GRID2: variants seen among roughly 807,000 people sequenced by gnomAD.
GRID2 encodes glutamate receptor ionotropic, delta-2.
A neutral mutation model predicts 114.8 loss-of-function variants in GRID2; 33 were observed. The ratio of observed to expected loss-of-function variants is 0.29; its 90% CI spans 0.22 to 0.38. GRID2 has a LOEUF of 0.38. GRID2 is among the 10% of genes least tolerant of loss of function. The pLI is 1.00. For synonymous variants in GRID2, 505 were observed against 449.9 expected (o/e 1.12, Z -1.55); for missense variants, 1,184 against 1,257.7 (o/e 0.94, Z 0.89).
At chr4:93,014,965 G>A (rs1448697448) in intron 2 of GRID2, among the ~76,000 whole-genome samples, 1 of 152,072 alleles carries the variant, frequency 6.6e-6, no homozygotes, top group Non-Finnish European at 1.5e-5. Flanking sequence ...AAAAGATGGT[G>A]AGTGATATTC....
intron 2 of GRID2, among the ~76,000 whole-genome samples, chr4:92,934,829 A>G (rs1000830959): frequency 2.7e-5 from 4 of 147,194 alleles, no homozygotes; most frequent in African/African-American, 9.7e-5. Flanking sequence ...AAAACTGACT[A>G]GCCATATGTA....
At chr4:93,532,500 T>G (rs1389315864) in intron 13 of GRID2, among the ~76,000 whole-genome samples, 1 of 152,204 alleles carries the variant, frequency 6.6e-6, no homozygotes, top group Non-Finnish European at 1.5e-5. Context: ...ATATTGCATT[T>G]AATACTTTGT....
intron 1 of GRID2, among the ~76,000 whole-genome samples, chr4:92,365,194 G>A (rs775235095): frequency 1.3e-5 from 2 of 152,034 alleles, no homozygotes; most frequent in African/African-American, 2.4e-5. Flanking sequence ...GTTCATTATA[G>A]CATTATTCAT....
At chr4:93,508,915 A>C (rs1182030103) in intron 12 of GRID2, among the ~76,000 whole-genome samples, 1 of 152,210 alleles carries the variant, frequency 6.6e-6, no homozygotes. Flanking sequence ...TGCCAAGAAG[A>C]CATCTACCAA....
intron 1 of GRID2, among the ~76,000 whole-genome samples, chr4:92,576,847 C>T (rs1319033545): frequency 1.3e-5 from 2 of 152,114 alleles, no homozygotes; most frequent in Non-Finnish European, 2.9e-5. Context: ...CGTTGCCCCA[C>T]CCTGCTTTTT....
At chr4:92,608,958 C>A (rs1252494719) in intron 2 of GRID2, among the ~76,000 whole-genome samples, 1 of 151,678 alleles carries the variant, frequency 6.6e-6, no homozygotes, top group Non-Finnish European at 1.5e-5. Context: ...CATCAATGTG[C>A]TTTCTGGCTT....
chr4:93,285,531 A>G (rs1300995691), intron 8 of GRID2, among the ~76,000 whole-genome samples: 1 of 152,070 alleles, frequency 6.6e-6, no homozygotes, highest in East Asian at 1.9e-4. Context: ...ACAATACTAA[A>G]TAGCTGACAC....
At chr4:93,805,028 A>G (rs1408147752) in intron 1 of GRID2, among the ~76,000 whole-genome samples, 1 of 152,224 alleles carries the variant, frequency 6.6e-6, no homozygotes, top group Non-Finnish European at 1.5e-5. Context: ...TCTATTTTCC[A>G]AAGTACCTAG....
intron 14 of GRID2, among the ~76,000 whole-genome samples, chr4:93,667,732 A>G (rs1015541191): frequency 1.3e-5 from 2 of 152,062 alleles, no homozygotes; most frequent in Non-Finnish European, 2.9e-5. Context: ...ATAAAGTAAC[A>G]TCCCCATATA....
chr4:93,011,955 A>G (rs561753100), intron 2 of GRID2, among the ~76,000 whole-genome samples: 14 of 152,108 alleles, frequency 9.2e-5, no homozygotes, highest in African/African-American at 3.4e-4. Context: ...ACAATACTTA[A>G]GTACCTTCCC....
intron 14 of GRID2, among the ~76,000 whole-genome samples, chr4:93,717,340 A>G (rs2110184290): frequency 6.6e-6 from 1 of 151,724 alleles, no homozygotes; most frequent in Admixed American, 6.6e-5. Flanking sequence ...AATATTAATT[A>G]TCTTTTGGGT....
intron 10 of GRID2, among the ~76,000 whole-genome samples, chr4:93,446,304 A>G (rs144837143): frequency 1.6e-4 from 25 of 152,054 alleles, no homozygotes; most frequent in Non-Finnish European, 2.8e-4. Flanking sequence ...CTTTTCTCCC[A>G]TTGATCAAAG....
intron 2 of GRID2, among the ~76,000 whole-genome samples, chr4:92,955,114 C>T: frequency 2.6e-5 from 3 of 116,486 alleles, no homozygotes; most frequent in East Asian, 2.5e-4. Flanking sequence ...GATTTATAGT[C>T]CTTTGGGTAT....
At chr4:92,893,177 G>A (rs1302153119) in intron 2 of GRID2, among the ~76,000 whole-genome samples, 4 of 151,936 alleles carry the variant, frequency 2.6e-5, no homozygotes, top group Non-Finnish European at 4.4e-5. Context: ...TTTTTTCTGA[G>A]TATAGTGCCT....
rs1381933650 is a variant in GRID2 at position 93,772,579 on chromosome 4, G to A, written c.*81G>A. The A allele has an allele frequency of 1.0e-6, 1 of 972,186 alleles. No homozygotes were observed. The highest frequency in any genetic ancestry group is 1.5e-6 in the Non-Finnish European group (1 of 651,784). 60.2% of individuals were successfully genotyped at this position (972,186 alleles called of 1,614,324 possible). On this transcript the variant is annotated 3_prime_UTR_variant, in exon 16 of 16. Transcript: ENST00000282020. ...ACTGTAATATTGTGGGACTAACATGGATGTAACGTTTAAAAAAAAGATCAG... is the reference window on the plus strand; with the variant it reads ...ACTGTAATATTGTGGGACTAACATGAATGTAACGTTTAAAAAAAAGATCAG...
chr4:92,998,749 C>G (rs1179510913), intron 2 of GRID2, among the ~76,000 whole-genome samples: 1 of 150,536 alleles, frequency 6.6e-6, no homozygotes, highest in Non-Finnish European at 1.5e-5. Context: ...GGGATAATTT[C>G]TTTTTCTTCT....
intron 11 of GRID2, among the ~76,000 whole-genome samples, chr4:93,482,807 T>C (rs1726005668): frequency 6.6e-6 from 1 of 151,946 alleles, no homozygotes; most frequent in Non-Finnish European, 1.5e-5. Context: ...CAAAAAGCCA[T>C]CTCTTATACC....
At chr4:93,414,272 A>G (rs1002127094) in intron 9 of GRID2, among the ~76,000 whole-genome samples, 2 of 152,146 alleles carry the variant, frequency 1.3e-5, no homozygotes, top group Admixed American at 6.6e-5. Context: ...CTTCCAGTCT[A>G]TTGTCAATAG....
At chr4:93,143,510 T>C (rs1447399599) in intron 4 of GRID2, among the ~76,000 whole-genome samples, 1 of 152,206 alleles carries the variant, frequency 6.6e-6, no homozygotes, top group Non-Finnish European at 1.5e-5. Flanking sequence ...CCATGTTGCA[T>C]GTGCATGTAA....
Sources: allele counts gnomAD v4.1 joint callset (sites outside exome capture counted in the v4.1 genomes callset), GRCh38; gene constraint gnomAD v4.1.1; transcripts MANE v1.5; gene names NCBI Gene and HGNC (gene_info 2026-07-23, HGNC 2026-07-21).